Variants in AUTS2 observed in about 807,000 individuals in gnomAD.
AUTS2 encodes autism susceptibility gene 2 protein.
In AUTS2, 17 loss-of-function variants were observed where a neutral mutation model predicts 112.4. That is an observed-to-expected ratio of 0.15 (90% CI 0.10 to 0.23). The LOEUF (loss-of-function observed/expected upper bound fraction) is 0.23, where lower values mean the gene tolerates loss of function less well. Among genes scored for constraint, AUTS2 ranks in the 10% least tolerant of loss-of-function variants. The pLI, the probability that AUTS2 is intolerant of heterozygous loss-of-function variation, is 1.00. For missense variants in AUTS2, 1,510 were observed against 1,701.6 expected (o/e 0.89, Z 1.98); for synonymous variants, 751 against 702.7 (o/e 1.07, Z -1.09).
intron 1 of AUTS2, among the ~76,000 whole-genome samples, chr7:69,790,747 T>G (rs1789576961): frequency 1.3e-5 from 2 of 152,232 alleles, no homozygotes; most frequent in African/African-American, 2.4e-5. Flanking sequence ...ATTATAAAAC[T>G]GTAAGGTCCA....
chr7:70,339,504 G>T (rs1791158948), intron 4 of AUTS2, among the ~76,000 whole-genome samples: 1 of 152,110 alleles, frequency 6.6e-6, no homozygotes, highest in Non-Finnish European at 1.5e-5. Context: ...CCACTTCGGG[G>T]TCATCTATTG....
chr7:69,862,307 A>T (rs1793021577), intron 1 of AUTS2, among the ~76,000 whole-genome samples: 2 of 152,342 alleles, frequency 1.3e-5, no homozygotes, highest in South Asian at 4.1e-4. Flanking sequence ...AACCAGATAG[A>T]TGTTACAACA....
At chr7:70,299,737 A>G (rs1227813865) in intron 4 of AUTS2, among the ~76,000 whole-genome samples, 2 of 151,912 alleles carry the variant, frequency 1.3e-5, no homozygotes, top group Admixed American at 6.6e-5. Flanking sequence ...ATTTGGAAAT[A>G]TTTATAGTCC....
intron 1 of AUTS2, among the ~76,000 whole-genome samples, chr7:69,839,801 G>A (rs1208183550): frequency 1.3e-5 from 2 of 152,124 alleles, no homozygotes; most frequent in Non-Finnish European, 2.9e-5. Flanking sequence ...TGTTGTTGTT[G>A]TTGTTGTCGT....
chr7:69,636,311 G>A (rs1794516009), intron 1 of AUTS2, among the ~76,000 whole-genome samples: 1 of 151,646 alleles, frequency 6.6e-6, no homozygotes, highest in Admixed American at 6.6e-5. Flanking sequence ...GCTTACTGCC[G>A]CCTCCACCTC....
intron 6 of AUTS2, among the ~76,000 whole-genome samples, chr7:70,755,517 A>T (rs1789142442): frequency 6.6e-6 from 1 of 152,080 alleles, no homozygotes; most frequent in African/African-American, 2.4e-5. Context: ...AAACACAAAA[A>T]TTAGCTGGGC....
chr7:70,138,873 AG>A (rs1806707799), intron 4 of AUTS2, among the ~76,000 whole-genome samples: 1 of 152,202 alleles, frequency 6.6e-6, no homozygotes. Flanking sequence ...AGGGTTATAA[AG>A]GTCATAGTGG....
At chr7:70,028,118 T>C (rs754199704) in intron 2 of AUTS2, among the ~76,000 whole-genome samples, 3 of 151,606 alleles carry the variant, frequency 2.0e-5, no homozygotes, top group Admixed American at 6.6e-5. Flanking sequence ...GCATGCTCTC[T>C]GACTCTCTCT....
At chr7:70,231,254 T>C (rs1262627055) in intron 4 of AUTS2, among the ~76,000 whole-genome samples, 2 of 152,214 alleles carry the variant, frequency 1.3e-5, no homozygotes, top group Non-Finnish European at 1.5e-5. Context: ...AAGTACACTC[T>C]TGAGTATACA....
intron 5 of AUTS2, among the ~76,000 whole-genome samples, chr7:70,674,187 C>G (rs1807794844): frequency 6.6e-6 from 1 of 152,002 alleles, no homozygotes; most frequent in African/African-American, 2.4e-5. Flanking sequence ...GGAGGGGGGC[C>G]CTGAGAAAGG....
At chr7:69,740,901 T>C (rs1291801540) in intron 1 of AUTS2, among the ~76,000 whole-genome samples, 1 of 152,136 alleles carries the variant, frequency 6.6e-6, no homozygotes, top group Non-Finnish European at 1.5e-5. Flanking sequence ...AGAAAGAGCT[T>C]TTGCCCAGGG....
chr7:69,911,259 CT>C (rs1795344935), intron 2 of AUTS2, among the ~76,000 whole-genome samples: 1 of 152,114 alleles, frequency 6.6e-6, no homozygotes, highest in South Asian at 2.1e-4. Flanking sequence ...GTGGGCACCC[CT>C]GTCTGGATGA....
At chr7:69,994,854 T>C (rs1286867028) in intron 2 of AUTS2, among the ~76,000 whole-genome samples, 2 of 152,160 alleles carry the variant, frequency 1.3e-5, no homozygotes, top group African/African-American at 4.8e-5. Flanking sequence ...GAGAGGTGTT[T>C]AAACTTTGTG....
Position 70,509,136 on chromosome 7 carries a change from C to T in AUTS2, c.690+73355C>T, listed in dbSNP as rs557862652. Among the ~76,000 whole-genome samples the T allele has an allele frequency of 5.3e-5, 8 of 152,302 alleles. No homozygotes were observed. In the South Asian group the frequency reaches 8.3e-4, roughly 16 times the overall value. On this transcript the variant is annotated intron_variant, in intron 5 of 18. Transcript: ENST00000342771. ...AGGTGTGCATTACACTTTCTTTCTT[C>T]GCAGCAATAAGTGCCATTACTTCAT...
chr7:69,704,667 G>C (rs991389523), intron 1 of AUTS2, among the ~76,000 whole-genome samples: 1 of 152,088 alleles, frequency 6.6e-6, no homozygotes, highest in African/African-American at 2.4e-5. Context: ...AATATAACCA[G>C]TAGCCACCCT....
At chr7:70,117,980 C>G (rs1418916059) in intron 2 of AUTS2, 152 bp from the exon 3 acceptor site, 1 of 983,634 alleles carries the variant, frequency 1.0e-6, no homozygotes, top group African/African-American at 1.7e-5. Flanking sequence ...AAACTCCTAA[C>G]CTCGTGATCC....
At chr7:69,996,346 C>G (rs539922002) in intron 2 of AUTS2, among the ~76,000 whole-genome samples, 70 of 152,304 alleles carry the variant, frequency 4.6e-4, no homozygotes, top group African/African-American at 1.7e-3. Flanking sequence ...CTCTTTGAGT[C>G]TCTTGGAGTA....
At chr7:70,254,820 A>G (rs368970238) in intron 4 of AUTS2, among the ~76,000 whole-genome samples, 8 of 152,336 alleles carry the variant, frequency 5.3e-5, no homozygotes, top group African/African-American at 1.2e-4. Flanking sequence ...GGAAGATAGC[A>G]AAGCAACATA....
At chr7:70,728,113 C>T (rs1228893698) in intron 6 of AUTS2, among the ~76,000 whole-genome samples, 1 of 152,132 alleles carries the variant, frequency 6.6e-6, no homozygotes, top group Non-Finnish European at 1.5e-5. Flanking sequence ...TTTCTCAGAT[C>T]CCAACAGGCC....
Sources: gnomAD v4.1 joint callset for allele counts (sites outside exome capture counted in the v4.1 genomes callset) on GRCh38, gnomAD v4.1.1 for gene constraint, MANE v1.5 for transcripts, NCBI Gene and HGNC (gene_info 2026-07-23, HGNC 2026-07-21) for gene names.